ING3: variants seen among roughly 807,000 people sequenced by gnomAD.
ING3 encodes inhibitor of growth protein 3.
ING3 carries 6 observed loss-of-function variants against 64.8 expected under a neutral mutation model. The observed-to-expected ratio is 0.09, with a 90% CI of 0.05 to 0.18. The LOEUF is 0.18. ING3 is among the 10% of genes least tolerant of loss of function. The pLI, the probability that ING3 is intolerant of heterozygous loss-of-function variation, is 1.00. For missense variants in ING3, 310 were observed against 489.7 expected, an observed-to-expected ratio of 0.63 and a Z score of 3.46; for synonymous variants, 170 against 173.7, an observed-to-expected ratio of 0.98 and a Z score of 0.17.
chr7:120,956,843 T>G, intron 4 of ING3: 1 of 959,266 alleles, frequency 1.0e-6, no homozygotes, highest in Non-Finnish European at 1.2e-6. Context: ...GACTGCCTGC[T>G]TTTTAATTCA....
At chr7:120,954,964 A>G (rs2116652315) in intron 3 of ING3, among the ~76,000 whole-genome samples, 1 of 152,332 alleles carries the variant, frequency 6.6e-6, no homozygotes, top group African/African-American at 2.4e-5. Context: ...TTTATTTTAA[A>G]TACTGTTCAT....
At chr7:120,951,058 G>T in intron 1 of ING3, 106 bp from the exon 2 acceptor site, 1 of 1,504,724 alleles carries the variant, frequency 6.6e-7, no homozygotes, top group Non-Finnish European at 9.2e-7. Context: ...TGGCAGCCTC[G>T]TTGTGGGCTG....
At chr7:120,951,026 G>GA in intron 1 of ING3, 102 bp downstream of exon 1, 1 of 1,474,048 alleles carries the variant, frequency 6.8e-7, no homozygotes, top group Non-Finnish European at 9.5e-7. Context: ...GGCGGCGGGG[G>GA]ATGTTTCTTT....
chr7:120,973,353 T>G, intron 11 of ING3, 110 bp downstream of exon 11: 1 of 693,472 alleles, frequency 1.4e-6, no homozygotes, highest in Admixed American at 2.3e-5. Context: ...GGTTTGCAGG[T>G]ATATTAGTTA....
Position 120,972,107 on chromosome 7 carries a change from T to C in ING3, c.1102-1098T>C, listed in dbSNP as rs578166991. ...TCTAAATATTTGCTTGATTTAGTTT[T>C]TTAAAAATAATTCTAAAATTTTAAT... On this transcript the variant is annotated intron_variant, in intron 10 of 11. Transcript: ENST00000315870. 1.8e-4 allele frequency among the ~76,000 whole-genome samples: 27 copies of C among 152,272 alleles called. No homozygotes were observed. The East Asian group carries it at 4.8e-3, about 27-fold the overall frequency.
chr7:120,961,019 T>C (rs1020235132), intron 4 of ING3, among the ~76,000 whole-genome samples: 2 of 152,158 alleles, frequency 1.3e-5, no homozygotes, highest in Non-Finnish European at 2.9e-5. Flanking sequence ...TATCCTGGCC[T>C]GTTCCTGAGA....
chr7:120,962,266 T>G (rs968896550), intron 4 of ING3, among the ~76,000 whole-genome samples: 1 of 152,166 alleles, frequency 6.6e-6, no homozygotes, highest in Non-Finnish European at 1.5e-5. Flanking sequence ...AATAATTGCT[T>G]ATAATATTAA....
At chr7:120,960,565 T>C (rs1002875727) in intron 4 of ING3, among the ~76,000 whole-genome samples, 14 of 152,246 alleles carry the variant, frequency 9.2e-5, no homozygotes, top group African/African-American at 1.9e-4. Context: ...TATTTTTTCA[T>C]TGAAATATTT....
chr7:120,956,153 T>G (rs1401670541), intron 4 of ING3: 1 of 1,595,634 alleles, frequency 6.3e-7, no homozygotes, highest in Non-Finnish European at 8.6e-7. Flanking sequence ...AGATTCTTTT[T>G]TTGCAGCAGC....
At chr7:120,972,709 G>A (rs1378902580) in intron 10 of ING3, among the ~76,000 whole-genome samples, 1 of 152,080 alleles carries the variant, frequency 6.6e-6, no homozygotes, top group Non-Finnish European at 1.5e-5. Context: ...AATCCACTGA[G>A]AACTTCAGTG....
At chr7:120,955,719 C>T in intron 4 of ING3, 95 bp downstream of exon 4, 1 of 807,070 alleles carries the variant, frequency 1.2e-6, no homozygotes, top group Non-Finnish European at 2.1e-6. Context: ...GAAGAAGCAA[C>T]TAAAACTGAA....
intron 10 of ING3, 120 bp downstream of exon 10, chr7:120,971,000 T>C: frequency 2.9e-6 from 3 of 1,036,730 alleles, no homozygotes; most frequent in Admixed American, 2.5e-5. Context: ...TTGTATACTT[T>C]TCTCCCCCTT....
chr7:120,976,707 G>A lies in ING3; in HGVS notation c.*1863G>A, dbSNP rs1055350493. 2 of 152,140 alleles carry A rather than the reference G, an allele frequency of 1.3e-5. No individual in the cohort carries two copies. Among genetic ancestry groups the A allele is most frequent in the African/African-American group, 4.8e-5 (2 of 41,438 alleles). 9.4% of individuals were successfully genotyped at this position (152,140 alleles called of 1,614,324 possible). Reference sequence around the variant, plus strand: ...AAAAGCCTTATGTACAGCCTTATTTGAAGAGAAAGTTCTTTGTCTGAGTCA... The same window carrying A: ...AAAAGCCTTATGTACAGCCTTATTTAAAGAGAAAGTTCTTTGTCTGAGTCA... On this transcript the variant is annotated 3_prime_UTR_variant, in exon 12 of 12. Coordinates refer to ENST00000315870, the MANE Select transcript of ING3 (RefSeq NM_019071.3).
At chr7:120,966,153 A>G (rs537729797) in intron 5 of ING3, among the ~76,000 whole-genome samples, 9 of 152,310 alleles carry the variant, frequency 5.9e-5, no homozygotes, top group South Asian at 2.1e-4. Context: ...AAAATCCCTA[A>G]CTTCTTTTAG....
chr7:120,951,992 C>T (rs1322993062), intron 2 of ING3, among the ~76,000 whole-genome samples: 1 of 152,198 alleles, frequency 6.6e-6, no homozygotes, highest in Non-Finnish European at 1.5e-5. Flanking sequence ...CTGCTCCTGG[C>T]TTCTCTGCCC....
chr7:120,960,792 T>A (rs572088812), intron 4 of ING3, among the ~76,000 whole-genome samples: 254 of 152,352 alleles, frequency 1.7e-3, no homozygotes, highest in Middle Eastern at 3.4e-3. Context: ...CCTGTTAAAA[T>A]AGTTTTGTTC....
intron 3 of ING3, 58 bp from the exon 4 acceptor site, chr7:120,955,501 G>T: frequency 8.9e-7 from 1 of 1,121,704 alleles, no homozygotes; most frequent in East Asian, 2.5e-5. Flanking sequence ...TGTATGTCCT[G>T]CATATGAATA....
rs989369840 is a variant in ING3 at position 120,973,089 on chromosome 7, T to C, written c.1102-116T>C. The C allele has an allele frequency of 1.3e-4, 61 of 462,950 alleles. No homozygotes were observed. The East Asian group carries it at 3.4e-3, about 26-fold the overall frequency. 28.7% of individuals were successfully genotyped at this position (462,950 alleles called of 1,614,324 possible). On this transcript the variant is annotated intron_variant, in intron 10 of 11. Coordinates refer to ENST00000315870, the MANE Select transcript of ING3 (RefSeq NM_019071.3). ...TATTATACCTTGATTCTCAATGTAA[T>C]TGTATATTCAGTGTATTTCCCTTTA...
chr7:120,973,172 T>C, intron 10 of ING3, 33 bp from the exon 11 acceptor site: 2 of 1,256,134 alleles, frequency 1.6e-6, no homozygotes, highest in South Asian at 1.2e-5. Flanking sequence ...TGTTACATAG[T>C]CATAATAAAG....
Sources: allele counts gnomAD v4.1 joint callset (sites outside exome capture counted in the v4.1 genomes callset), GRCh38; gene constraint gnomAD v4.1.1; transcripts MANE v1.5; gene names NCBI Gene and HGNC (gene_info 2026-07-23, HGNC 2026-07-21).